The following IL1R1 variants were observed in gnomAD, a reference collection of about 807,000 sequenced individuals.
IL1R1 encodes interleukin-1 receptor type 1.
A neutral mutation model predicts 50.2 loss-of-function variants in IL1R1; 22 were observed. The ratio of observed to expected loss-of-function variants is 0.44; its 90% CI spans 0.31 to 0.63. The LOEUF (loss-of-function observed/expected upper bound fraction) is 0.63. Ranked by LOEUF, IL1R1 falls within the 20% of genes least tolerant of loss-of-function variation. IL1R1 has a pLI of 0.07. For missense variants in IL1R1, 509 were observed against 676.2 expected (o/e 0.75, Z 2.74); for synonymous variants, 251 against 236.7 (o/e 1.06, Z -0.55).
chr2:102,134,335 T>A (rs1381923504), intron 1 of IL1R1, among the ~76,000 whole-genome samples: 3 of 152,132 alleles, frequency 2.0e-5, no homozygotes, highest in Non-Finnish European at 4.4e-5. Flanking sequence ...TACCAGCTTT[T>A]TCTGGGTACT....
At chr2:102,168,487 T>G in intron 6 of IL1R1, 111 bp from the exon 7 acceptor site, 1 of 866,354 alleles carries the variant, frequency 1.2e-6, no homozygotes, top group Non-Finnish European at 2.0e-6. Context: ...CTTTGAACAC[T>G]TGATGGAATA....
rs980133137 is a variant in IL1R1, at chr2:102,135,044, A to AT, written c.-83-18888dup. ...GGAACAAGGCAGAGGACCATAACTCATTTTTTTTTCTTGGAGAATAAACAA... is the reference window on the plus strand; with the variant it reads ...GGAACAAGGCAGAGGACCATAACTCATTTTTTTTTTCTTGGAGAATAAACAA... On this transcript the variant is annotated intron_variant, in intron 1 of 10. Coordinates refer to the IL1R1 transcript ENST00000409329. 1.8e-4 allele frequency among the ~76,000 whole-genome samples: 27 copies of AT among 151,576 alleles called. No homozygotes were observed. The South Asian group carries it at 2.1e-3, about 12-fold the overall frequency.
chr2:102,112,843 G>A (rs1422991317), intron 1 of IL1R1, among the ~76,000 whole-genome samples: 1 of 152,170 alleles, frequency 6.6e-6, no homozygotes, highest in African/African-American at 2.4e-5. Context: ...TTCCAGTGAT[G>A]GTGTTAGGAG....
chr2:102,158,552 G>A (rs1684414658), intron 3 of IL1R1, among the ~76,000 whole-genome samples: 1 of 152,206 alleles, frequency 6.6e-6, no homozygotes, highest in Non-Finnish European at 1.5e-5. Flanking sequence ...CAGTCAGCAT[G>A]TGCAAAGGCC....
chr2:102,162,626 C>G (rs1261575556), intron 3 of IL1R1, among the ~76,000 whole-genome samples: 1 of 152,004 alleles, frequency 6.6e-6, no homozygotes, highest in Non-Finnish European at 1.5e-5. Flanking sequence ...TAAGTTATCT[C>G]TGTCTGCCTT....
At position 102,174,622 on chromosome 2, in the gene IL1R1, G is replaced by A; in HGVS notation, c.1027G>A (p.Val343Ile). The change falls in exon 10 of 12, where the codon GTC becomes ATC. Residue 343 changes from valine (V) to isoleucine (I), a missense_variant. By Grantham distance (29) the Val-to-Ile change is conservative. Coordinates refer to ENST00000410023, the MANE Select transcript of IL1R1 (RefSeq NM_000877.4). The stretch of plus-strand genomic sequence containing the variant: ...CCAGAAGCACATGATTGGTATATGT[G>A]TCACGTTGACAGTCATAATTGTGTG... ...NFQKHMIGICVTLTVIIVCSV... is the reference protein window; with the variant it reads ...NFQKHMIGICITLTVIIVCSV... The A allele has an allele frequency of 6.2e-7, 1 of 1,608,118 alleles. No individual in the cohort carries two copies. Among genetic ancestry groups the A allele is most frequent in the Non-Finnish European group, 8.5e-7 (1 of 1,177,646 alleles).
chr2:102,107,053 C>T (rs139185373), intron 1 of IL1R1, among the ~76,000 whole-genome samples: 95 of 152,288 alleles, frequency 6.2e-4, no homozygotes, highest in African/African-American at 1.3e-3. Flanking sequence ...TTTAAAAACT[C>T]TAGATCCCTG....
At chr2:102,110,608 A>G (rs1364669904) in intron 1 of IL1R1, among the ~76,000 whole-genome samples, 1 of 151,316 alleles carries the variant, frequency 6.6e-6, no homozygotes, top group Non-Finnish European at 1.5e-5. Context: ...ATCTCGTATC[A>G]TGACCATGCA....
intron 3 of IL1R1, among the ~76,000 whole-genome samples, chr2:102,161,672 C>G (rs1381173289): frequency 6.6e-6 from 1 of 151,960 alleles, no homozygotes; most frequent in Non-Finnish European, 1.5e-5. Flanking sequence ...TTAATGACTT[C>G]TTTATTTTTT....
chr2:102,151,476 A>G (rs1190101500), intron 1 of IL1R1, among the ~76,000 whole-genome samples: 1 of 152,026 alleles, frequency 6.6e-6, no homozygotes, highest in African/African-American at 2.4e-5. Flanking sequence ...TTTCTTCCAC[A>G]AGTATTTATT....
chr2:102,146,461 G>A (rs1403428702), intron 1 of IL1R1, among the ~76,000 whole-genome samples: 1 of 152,166 alleles, frequency 6.6e-6, no homozygotes, highest in Non-Finnish European at 1.5e-5. Flanking sequence ...CTTGAGCTAA[G>A]CTGAACTACA....
chr2:102,116,032 T>C (rs1681052366), intron 1 of IL1R1, among the ~76,000 whole-genome samples: 1 of 152,212 alleles, frequency 6.6e-6, no homozygotes, highest in African/African-American at 2.4e-5. Context: ...CGAATCTGGA[T>C]TATTTAGAAG....
At position 102,177,077 on chromosome 2, in the gene IL1R1, C is replaced by T; in HGVS notation, c.*318C>T. ...GGTCAGGAGTTCGAGACCAGCCCAG[C>T]CAACATGGCAAAACCCCATCTCTAC... On this transcript the variant is annotated 3_prime_UTR_variant, in exon 12 of 12. Transcript: ENST00000410023. 1 of 258,942 alleles carries T rather than the reference C, an allele frequency of 3.9e-6. No individual in the cohort carries two copies. Among genetic ancestry groups the T allele is most frequent in the East Asian group, 8.7e-5 (1 of 11,442 alleles). 16.0% of individuals were successfully genotyped at this position (258,942 alleles called of 1,614,324 possible).
intron 1 of IL1R1, among the ~76,000 whole-genome samples, chr2:102,090,309 T>C (rs2104309847): frequency 6.6e-6 from 1 of 152,256 alleles, no homozygotes; most frequent in Admixed American, 6.5e-5. Flanking sequence ...AGATCAAATA[T>C]TATTTTCCCA....
chr2:102,082,205 T>A (rs1443601209), intron 1 of IL1R1, among the ~76,000 whole-genome samples: 2 of 152,054 alleles, frequency 1.3e-5, no homozygotes. Flanking sequence ...CCTTAATTAA[T>A]CCTTTAATTT....
chr2:102,164,330 G>C (rs1684981811), intron 3 of IL1R1, among the ~76,000 whole-genome samples: 1 of 151,980 alleles, frequency 6.6e-6, no homozygotes, highest in East Asian at 1.9e-4. Flanking sequence ...CTGTAATTTT[G>C]GACACCTCCT....
intron 1 of IL1R1, among the ~76,000 whole-genome samples, chr2:102,094,539 T>C (rs1412696907): frequency 6.6e-6 from 1 of 152,240 alleles, no homozygotes; most frequent in East Asian, 1.9e-4. Flanking sequence ...TTTTTTCTTT[T>C]CTATGAAACG....
chr2:102,074,174 C>G (rs1186095324), intron 1 of IL1R1, among the ~76,000 whole-genome samples: 3 of 152,176 alleles, frequency 2.0e-5, no homozygotes, highest in Non-Finnish European at 4.4e-5. Flanking sequence ...TAATCTATTG[C>G]TGTGTAACTA....
At chr2:102,172,338 C>T in intron 8 of IL1R1, 1 of 985,292 alleles carries the variant, frequency 1.0e-6, no homozygotes, top group South Asian at 4.7e-5. Flanking sequence ...CCCATGACCT[C>T]TCCTTCACAA....
Sources: gnomAD v4.1 joint callset for allele counts (sites outside exome capture counted in the v4.1 genomes callset) on GRCh38, gnomAD v4.1.1 for gene constraint, MANE v1.5 for transcripts, NCBI Gene and HGNC (gene_info 2026-07-23, HGNC 2026-07-21) for gene names.